Variants in SVIL observed in about 807,000 individuals in gnomAD.
SVIL encodes supervillin.
In SVIL, 101 loss-of-function variants were observed where a neutral mutation model predicts 240.4. The observed-to-expected ratio is 0.42, with a 90% CI of 0.36 to 0.50. SVIL has a LOEUF of 0.50. Among genes scored for constraint, SVIL ranks in the 20% least tolerant of loss-of-function variants. The probability of loss-of-function intolerance (pLI) is 0.01; values close to 1 mark genes in which losing one functional copy is unlikely to be tolerated. For missense variants in SVIL, 2,512 were observed against 2,818.7 expected, an observed-to-expected ratio of 0.89 and a Z score of 2.46; for synonymous variants, 999 against 1,100.0, an observed-to-expected ratio of 0.91 and a Z score of 1.82.
At chr10:29,556,734 G>A (rs929571438) in intron 3 of SVIL, among the ~76,000 whole-genome samples, 2 of 152,190 alleles carry the variant, frequency 1.3e-5, no homozygotes, top group African/African-American at 4.8e-5. Context: ...ACCCCGCCAT[G>A]CGGCCTTGGG....
intron 17 of SVIL, among the ~76,000 whole-genome samples, chr10:29,509,330 G>GGAGAGAGAGAGAGA (rs66616602): frequency 0.024 from 1,619 of 66,724 alleles, 145 homozygotes; most frequent in Non-Finnish European, 0.039. Flanking sequence ...GGAGGGGGAG[G>GGAGAGAGAGAGAGA]GAGAGAGAGA....
chr10:29,465,387 T>C (rs1944787604), intron 34 of SVIL, among the ~76,000 whole-genome samples: 1 of 152,210 alleles, frequency 6.6e-6, no homozygotes, highest in Non-Finnish European at 1.5e-5. Context: ...TTGAGTCTCG[T>C]TCCTTATGCT....
chr10:29,712,792 T>G lies in SVIL; in HGVS notation c.-400+22959A>C, dbSNP rs113014526. The stretch of plus-strand genomic sequence containing the variant: ...AGGAAAAGAGAGGAATGCGGAAGGT[T>G]AGTGGTACTAGTCCCCTCATCTTAT... On this transcript the variant is annotated intron_variant, in intron 1 of 35. Transcript: ENST00000375400. Among the ~76,000 whole-genome samples the G allele has an allele frequency of 6.3e-4, 96 of 152,322 alleles. 2 individuals carry two copies. The highest frequency in any genetic ancestry group is 2.3e-3 in the African/African-American group (96 of 41,570).
At position 29,499,632 on chromosome 10, in the gene SVIL, T is replaced by A. The variant is rs181103374; in HGVS notation, c.3517-369A>T. On this transcript the variant is annotated intron_variant, in intron 17 of 37. Transcript: ENST00000355867. The stretch of plus-strand genomic sequence containing the variant: ...CTTAACCCATCTAGTTAAACTCAGT[T>A]AACTGGGAGATTTTTATCCCTATAT... 4.6e-5 allele frequency among the ~76,000 whole-genome samples: 7 copies of A among 152,344 alleles called. No individual in the cohort carries two copies. The East Asian group carries it at 1.3e-3, about 29-fold the overall frequency.
At chr10:29,732,442 G>GTA (rs200451728) in intron 1 of SVIL, among the ~76,000 whole-genome samples, 1,526 of 152,208 alleles carry the variant, frequency 0.01, 24 homozygotes, top group African/African-American at 0.033. Context: ...TTTCTTGCAT[G>GTA]TATATACAAT....
chr10:29,474,018 G>C, intron 29 of SVIL, 29 bp from the exon 30 acceptor site: 1 of 1,606,624 alleles, frequency 6.2e-7, no homozygotes, highest in African/African-American at 1.3e-5. Context: ...AGAGGGACAG[G>C]TCAGCAGCTG....
intron 17 of SVIL, among the ~76,000 whole-genome samples, chr10:29,506,778 A>AGGACAGAGGCCCTATGAGGGAGG (rs1949374240): frequency 1.2e-5 from 1 of 81,614 alleles, no homozygotes; most frequent in African/African-American, 4.0e-5. Context: ...CTAGAGGGAA[A>AGGACAGAGGCCCTATGAGGGAGG]GGACAGAGGC....
chr10:29,566,691 C>T (rs1432422861), intron 2 of SVIL, among the ~76,000 whole-genome samples: 1 of 152,190 alleles, frequency 6.6e-6, no homozygotes, highest in South Asian at 2.1e-4. Flanking sequence ...GAAACACAAG[C>T]ACCTGTGAGG....
At chr10:29,576,302 T>A (rs1328939966) in intron 1 of SVIL, among the ~76,000 whole-genome samples, 2 of 152,172 alleles carry the variant, frequency 1.3e-5, no homozygotes, top group African/African-American at 4.8e-5. Flanking sequence ...GAGGGAAAAT[T>A]TACTTTTTAC....
At position 29,522,763 on chromosome 10, in the gene SVIL, G is replaced by A. The variant is rs1301025490; in HGVS notation, c.3164-128C>T. On this transcript the variant is annotated intron_variant, in intron 15 of 37. Transcript: ENST00000355867. ...CACGGCGGGTGACCCAATCCACTGG[G>A]ATTTATGCAAATCTGCAGCACGCTA... 5 of 1,038,226 alleles carry A rather than the reference G, an allele frequency of 4.8e-6. No individual in the cohort carries two copies. In the African/African-American group the frequency reaches 6.4e-5, roughly 13 times the overall value. The allele number at this position is 1,038,226 out of a possible 1,614,324, so 64.3% of individuals were successfully genotyped here. A position where few individuals can be genotyped will look rare whatever the true frequency, so the allele number is the denominator to read the frequency against.
At chr10:29,630,110 C>T (rs3932705) in intron 1 of SVIL, among the ~76,000 whole-genome samples, 5,832 of 152,204 alleles carry the variant, frequency 0.038, 352 homozygotes, top group African/African-American at 0.13. Flanking sequence ...AGCTCCATTA[C>T]ATCCCTGTCC....
At chr10:29,674,100 G>A (rs887050728) in intron 2 of SVIL, among the ~76,000 whole-genome samples, 1 of 152,108 alleles carries the variant, frequency 6.6e-6, no homozygotes, top group Non-Finnish European at 1.5e-5. Flanking sequence ...GAAGGCCAAG[G>A]CGGGAGGTTC....
chr10:29,520,962 G>A (rs61096200), intron 16 of SVIL, among the ~76,000 whole-genome samples: 2 of 150,908 alleles, frequency 1.3e-5, no homozygotes, highest in African/African-American at 2.4e-5. Context: ...GGTGGCTCAC[G>A]CCTGTAATCC....
In SVIL at chr10:29,550,824, C is replaced by T; in HGVS notation, c.600G>A (p.Leu200=). 2 of 1,614,134 alleles carry T rather than the reference C, an allele frequency of 1.2e-6. No homozygotes were observed. Among genetic ancestry groups the T allele is most frequent in the Non-Finnish European group, 1.7e-6 (2 of 1,180,034 alleles). Residue 200 remains leucine, a synonymous_variant, in exon 6 of 38, where the codon CTG becomes CTA. Coordinates refer to ENST00000355867, the MANE Select transcript of SVIL (RefSeq NM_021738.3). ...GACCTCGTCTTTGGTTTTCTATGTT[C>T]AGCAGCACCTCCGGGTCGGAAGAGC... is the stretch of plus-strand genomic sequence containing the variant. ...GDGSSDPEVL[L]NIENQRRGQE...
Position 29,563,270 on chromosome 10 carries a change from C to T in SVIL, c.-120G>A. 11 of 985,696 alleles carry T rather than the reference C, an allele frequency of 1.1e-5. No individual in the cohort carries two copies. The highest frequency in any genetic ancestry group is 1.3e-5 in the Non-Finnish European group (11 of 829,882). The allele number at this position is 985,696 out of a possible 1,614,324, so 61.1% of individuals were successfully genotyped here. A position where few individuals can be genotyped will look rare whatever the true frequency, so the allele number is the denominator to read the frequency against. ...TGGTTAGCGAGCTGTTCTTTATCTTCGAGTGAGAACTCCTTCTGAAAGCTA... is the reference window on the plus strand; with the variant it reads ...TGGTTAGCGAGCTGTTCTTTATCTTTGAGTGAGAACTCCTTCTGAAAGCTA... On this transcript the variant is annotated 5_prime_UTR_variant, in exon 3 of 38. Coordinates refer to ENST00000355867, the MANE Select transcript of SVIL (RefSeq NM_021738.3).
At position 29,525,579 on chromosome 10, in the gene SVIL, G is replaced by A. The variant is rs185462092; in HGVS notation, c.2343-864C>T. 9.9e-5 allele frequency among the ~76,000 whole-genome samples: 15 copies of A among 152,226 alleles called. No individual in the cohort carries two copies. The East Asian group carries it at 1.9e-3, about 20-fold the overall frequency. On this transcript the variant is annotated intron_variant, in intron 13 of 37. Coordinates refer to ENST00000355867, the MANE Select transcript of SVIL (RefSeq NM_021738.3). ...CAGTGTGCAGTGATGAAGCCTGGGC[G>A]ACAGAGCAAGACTCTGTCTCAAAAA...
chr10:29,509,330 G>GGGGAGAGAGAGAGA (rs1949620403), intron 17 of SVIL, among the ~76,000 whole-genome samples: 1 of 66,880 alleles, frequency 1.5e-5, no homozygotes, highest in Non-Finnish European at 3.1e-5. Context: ...GGAGGGGGAG[G>GGGGAGAGAGAGAGA]GAGAGAGAGA....
chr10:29,468,810 C>T (rs928760024), intron 32 of SVIL: 1 of 152,122 alleles, frequency 6.6e-6, no homozygotes, highest in African/African-American at 2.4e-5. Flanking sequence ...GGGAAGTTGA[C>T]TTGCTCCTAG....
intron 20 of SVIL, among the ~76,000 whole-genome samples, chr10:29,494,099 T>G (rs1446505118): frequency 8.6e-5 from 13 of 151,964 alleles, no homozygotes; most frequent in Non-Finnish European, 1.9e-4. Context: ...TGAGTCCAGT[T>G]CAAGGCTACA....
Sources: allele counts gnomAD v4.1 joint callset (sites outside exome capture counted in the v4.1 genomes callset), GRCh38; gene constraint gnomAD v4.1.1; transcripts MANE v1.5; gene names NCBI Gene and HGNC (gene_info 2026-07-23, HGNC 2026-07-21).